The following GPR180 variants were observed in gnomAD, a reference collection of about 807,000 sequenced individuals.
GPR180 encodes integral membrane protein GPR180.
A neutral mutation model predicts 52.6 loss-of-function variants in GPR180; 53 were observed. The ratio of observed to expected loss-of-function variants is 1.01; its 90% confidence interval spans 0.81 to 1.27. GPR180 has a LOEUF of 1.27. Among genes scored for constraint, GPR180 ranks in the 50% most tolerant of loss-of-function variants. The probability of loss-of-function intolerance (pLI) is 0.00; values close to 1 mark genes in which losing one functional copy is unlikely to be tolerated. For missense variants in GPR180, 533 were observed against 527.0 expected (o/e 1.01, Z -0.11); for synonymous variants, 200 against 193.1 (o/e 1.04, Z -0.30).
chr13:94,616,353 C>CGTGA (rs1566979435), intron 3 of GPR180, among the ~76,000 whole-genome samples: 1 of 152,160 alleles, frequency 6.6e-6, no homozygotes, highest in Non-Finnish European at 1.5e-5. Flanking sequence ...TCTTGAGACA[C>CGTGA]GTGAGTGTGG....
At position 94,609,567 on chromosome 13, in the gene GPR180, A is replaced by T. The variant is rs773798422; in HGVS notation, c.305-2623A>T. Among the ~76,000 whole-genome samples, 49 of 152,210 alleles carry T rather than the reference A, an allele frequency of 3.2e-4. 1 individual carries two copies. The highest frequency in any genetic ancestry group is 4.0e-4 in the Non-Finnish European group (27 of 68,028). On this transcript the variant is annotated intron_variant, in intron 2 of 8. Transcript: ENST00000376958. ...TTATCTAAGAGAAAAAGGGCAAATG[A>T]TAAAAATGGCAACACAGCAGAGCCT...
At chr13:94,610,175 A>T (rs114582757) in intron 2 of GPR180, among the ~76,000 whole-genome samples, 2,558 of 152,322 alleles carry the variant, frequency 0.017, 71 homozygotes, top group African/African-American at 0.058. Flanking sequence ...ATCTTCTAAG[A>T]GTAAAGAAAT....
rs34288293 is a variant in GPR180, at chr13:94,602,482, CTTTTTTTT to C, written c.145+423_145+430del. On this transcript the variant is annotated intron_variant, in intron 1 of 8. Coordinates refer to ENST00000376958, the MANE Select transcript of GPR180 (RefSeq NM_180989.6). The stretch of plus-strand genomic sequence containing the variant: ...ATTTAACCCTAGAAACTTAAATTTC[CTTTTTTTT>C]TTTTTTTTTTTTAAAGACCAATTTC... 5.7e-4 allele frequency among the ~76,000 whole-genome samples: 76 copies of C among 134,482 alleles called. 2 individuals carry two copies. Among genetic ancestry groups the C allele is most frequent in the Non-Finnish European group, 1.7e-4 (11 of 64,170 alleles). 88.2% of individuals were successfully genotyped at this position (134,482 alleles called of 152,430 possible).
At chr13:94,603,752 A>T (rs1016779052) in intron 1 of GPR180, among the ~76,000 whole-genome samples, 4 of 152,136 alleles carry the variant, frequency 2.6e-5, no homozygotes, top group Non-Finnish European at 5.9e-5. Flanking sequence ...TAGAAAAAAA[A>T]TTTCCAGGAG....
At chr13:94,618,132 C>A (rs573929383) in intron 3 of GPR180, among the ~76,000 whole-genome samples, 10 of 152,260 alleles carry the variant, frequency 6.6e-5, no homozygotes, top group African/African-American at 2.4e-4. Context: ...TTGTTCTTTG[C>A]CAGCCATCTG....
intron 3 of GPR180, among the ~76,000 whole-genome samples, chr13:94,615,362 A>G (rs1889763726): frequency 6.6e-6 from 1 of 152,218 alleles, no homozygotes; most frequent in Non-Finnish European, 1.5e-5. Context: ...TTTACAGAAA[A>G]TTGACTATTA....
chr13:94,613,037 C>G (rs1393201514), intron 3 of GPR180, among the ~76,000 whole-genome samples: 2 of 152,238 alleles, frequency 1.3e-5, no homozygotes, highest in African/African-American at 4.8e-5. Flanking sequence ...GATTCCACCC[C>G]CAGCAGAAAT....
intron 3 of GPR180, among the ~76,000 whole-genome samples, chr13:94,618,625 GT>G (rs1889811389): frequency 6.6e-6 from 1 of 151,856 alleles, no homozygotes; most frequent in African/African-American, 2.4e-5. Context: ...TCTACTCAGA[GT>G]TTCTGATTCA....
chr13:94,625,523 G>C (rs896226429), intron 7 of GPR180, among the ~76,000 whole-genome samples: 3 of 152,020 alleles, frequency 2.0e-5, no homozygotes, highest in Non-Finnish European at 4.4e-5. Flanking sequence ...TACCTGCCCA[G>C]CTCCCCCTCC....
chr13:94,613,536 T>C (rs944280062), intron 3 of GPR180, among the ~76,000 whole-genome samples: 2 of 152,212 alleles, frequency 1.3e-5, no homozygotes, highest in Admixed American at 6.5e-5. Flanking sequence ...TCCTCCCACC[T>C]TGGCCTCCCA....
rs1252011880 is a variant in GPR180 at position 94,612,198 on chromosome 13, A to T, written c.313A>T (p.Asn105Tyr). 6.2e-7 allele frequency: 1 copy of T among 1,614,044 alleles called. No homozygotes were observed. Among genetic ancestry groups the T allele is most frequent in the South Asian group, 1.1e-5 (1 of 91,072 alleles). Reference protein sequence around the residue: ...LSKAQLTMTMNQTEHNLTVSQ... With the variant: ...LSKAQLTMTMYQTEHNLTVSQ... ...TTTCTTTCTCTTTAAAGTGACCATGAACCAGACCGAACATAATCTGACAGT... is the reference window on the plus strand; with the variant it reads ...TTTCTTTCTCTTTAAAGTGACCATGTACCAGACCGAACATAATCTGACAGT... Residue 105 changes from asparagine to tyrosine, a missense_variant, in exon 3 of 9, where the codon AAC becomes TAC. Physicochemically the swap from Asn to Tyr is moderately radical, Grantham distance 143. Transcript: ENST00000376958.
At chr13:94,618,778 CTT>C (rs1889813956) in intron 3 of GPR180, among the ~76,000 whole-genome samples, 1 of 152,110 alleles carries the variant, frequency 6.6e-6, no homozygotes, top group Admixed American at 6.5e-5. Flanking sequence ...TATTTCTAAA[CTT>C]TTTACAAAAG....
At chr13:94,615,078 T>G (rs995915070) in intron 3 of GPR180, among the ~76,000 whole-genome samples, 15 of 152,200 alleles carry the variant, frequency 9.9e-5, no homozygotes, top group Middle Eastern at 3.2e-3. Context: ...AATTCAGATA[T>G]TCACACCCAG....
At chr13:94,609,404 C>T (rs888764675) in intron 2 of GPR180, among the ~76,000 whole-genome samples, 1 of 151,948 alleles carries the variant, frequency 6.6e-6, no homozygotes, top group Non-Finnish European at 1.5e-5. Context: ...CCAGCCTTGC[C>T]GAAAAGACAG....
At chr13:94,612,471 A>G in intron 3 of GPR180, 81 bp downstream of exon 3, 1 of 1,092,238 alleles carries the variant, frequency 9.2e-7, no homozygotes, top group Non-Finnish European at 1.3e-6. Context: ...TTTTAAAATC[A>G]AAAATGAAAG....
At chr13:94,619,627 C>A in intron 5 of GPR180, 110 bp downstream of exon 5, 1 of 880,976 alleles carries the variant, frequency 1.1e-6, no homozygotes, top group Non-Finnish European at 1.8e-6. Context: ...TAGAAATCAG[C>A]TTGACTGAGA....
chr13:94,619,268 T>C lies in GPR180; in HGVS notation c.624T>C (p.Val208=). 1 of 1,614,192 alleles carries C rather than the reference T, an allele frequency of 6.2e-7. No homozygotes were observed. The highest frequency in any genetic ancestry group is 8.5e-7 in the Non-Finnish European group (1 of 1,180,020). Residue 208 remains valine, a synonymous_variant, in exon 4 of 9, where the codon GTT becomes GTC. Coordinates refer to ENST00000376958, the MANE Select transcript of GPR180 (RefSeq NM_180989.6). ...KGGPMHMILK[V]LTTALLLQAG... is the part of the protein sequence containing the mutation. ...GACCCATGCACATGATTTTAAAGGT[T>C]CTGACAACTGCATTGCTGTTACAAG...
intron 1 of GPR180, among the ~76,000 whole-genome samples, chr13:94,604,259 G>T (rs1370890351): frequency 6.6e-6 from 1 of 152,052 alleles, no homozygotes; most frequent in African/African-American, 2.4e-5. Context: ...GCTTGAACCG[G>T]GGAGGCGGAG....
At chr13:94,608,236 T>G (rs1889658703) in intron 2 of GPR180, among the ~76,000 whole-genome samples, 1 of 152,200 alleles carries the variant, frequency 6.6e-6, no homozygotes, top group African/African-American at 2.4e-5. Context: ...TTTACTTATC[T>G]GTACAACAAG....
Sources: allele counts gnomAD v4.1 joint callset (sites outside exome capture counted in the v4.1 genomes callset), GRCh38; gene constraint gnomAD v4.1.1; transcripts MANE v1.5; gene names NCBI Gene and HGNC (gene_info 2026-07-23, HGNC 2026-07-21).